Variants in NCOA2 observed in about 807,000 individuals in gnomAD.
NCOA2 encodes the protein class E basic helix-loop-helix protein 75.
NCOA2 carries 21 observed loss-of-function variants against 145.1 expected under a neutral mutation model. The observed-to-expected ratio is 0.14, with a 90% CI of 0.10 to 0.21. The LOEUF (loss-of-function observed/expected upper bound fraction) is 0.21. Ranked by LOEUF, NCOA2 falls within the 10% of genes least tolerant of loss-of-function variation. The pLI, the probability that NCOA2 is intolerant of heterozygous loss-of-function variation, is 1.00. For missense variants in NCOA2, 1,472 were observed against 1,837.6 expected, an observed-to-expected ratio of 0.80 and a Z score of 3.64; for synonymous variants, 619 against 637.5, an observed-to-expected ratio of 0.97 and a Z score of 0.44.
intron 1 of NCOA2, among the ~76,000 whole-genome samples, chr8:70,323,618 G>A (rs1281059798): frequency 6.6e-6 from 1 of 151,974 alleles, no homozygotes; most frequent in East Asian, 1.9e-4. Context: ...TATTGAAGGG[G>A]GGGAGATTAT....
At chr8:70,193,973 A>G (rs1022763290) in intron 4 of NCOA2, among the ~76,000 whole-genome samples, 6 of 152,202 alleles carry the variant, frequency 3.9e-5, no homozygotes, top group African/African-American at 1.4e-4. Flanking sequence ...TCTTCCTCAG[A>G]CAAAATTTCT....
chr8:70,291,347 T>A (rs1426565424), intron 2 of NCOA2, among the ~76,000 whole-genome samples: 3 of 152,214 alleles, frequency 2.0e-5, no homozygotes, highest in Non-Finnish European at 4.4e-5. Context: ...AGATATGGAC[T>A]GGTAATACTT....
At chr8:70,321,401 C>G (rs933014329) in intron 1 of NCOA2, among the ~76,000 whole-genome samples, 2 of 151,896 alleles carry the variant, frequency 1.3e-5, no homozygotes, top group Non-Finnish European at 2.9e-5. Flanking sequence ...CTCCAGCACT[C>G]CACCTGCCTC....
Position 70,134,016 on chromosome 8 carries a change from C to A in NCOA2, c.3159-2014G>T, listed in dbSNP as rs1024444097. On this transcript the variant is annotated intron_variant, in intron 15 of 22. Transcript: ENST00000452400. ...CATTTCTAAGGGACCCACCCAGACCCCTGAGAGGCAGGTGCTCTTCCCACT... is the reference window on the plus strand; with the variant it reads ...CATTTCTAAGGGACCCACCCAGACCACTGAGAGGCAGGTGCTCTTCCCACT... 6.6e-5 allele frequency among the ~76,000 whole-genome samples: 10 copies of A among 152,326 alleles called. No individual in the cohort carries two copies. In the East Asian group the frequency reaches 1.9e-3, roughly 29 times the overall value.
chr8:70,159,545 T>C lies in NCOA2; in HGVS notation c.1084A>G (p.Asn362Asp). 8 of 1,611,432 alleles carry C rather than the reference T, an allele frequency of 5.0e-6. No individual in the cohort carries two copies. The highest frequency in any genetic ancestry group is 6.8e-6 in the Non-Finnish European group (8 of 1,177,786). The change falls in exon 10 of 23, where the codon AAT (asparagine) becomes GAT (aspartate). Residue 362 changes from asparagine (N) to aspartate (D), a missense_variant. This residue lies in a region of NCOA2 where 284 missense variants were observed against 467.8 expected (regional missense o/e 0.61). Transcript: ENST00000452400. Reference protein sequence around the residue: ...KSKLIRSQTTNEPQLVISLHM... With the variant: ...KSKLIRSQTTDEPQLVISLHM... The stretch of plus-strand genomic sequence containing the variant: ...AAAGATATTACAAGTTGAGGTTCAT[T>C]AGTAGTCTGAGAACGGATGAGTTTG...
chr8:70,393,654 C>T (rs1446720433), intron 1 of NCOA2, among the ~76,000 whole-genome samples: 1 of 152,136 alleles, frequency 6.6e-6, no homozygotes, highest in East Asian at 1.9e-4. Flanking sequence ...TAGGGCCAGG[C>T]CAGGTGTGCC....
chr8:70,348,835 A>G (rs1808910167), intron 1 of NCOA2, among the ~76,000 whole-genome samples: 1 of 152,142 alleles, frequency 6.6e-6, no homozygotes, highest in South Asian at 2.1e-4. Context: ...ATACCCAGGG[A>G]GAAATGTCAA....
At chr8:70,222,513 T>C (rs1213455954) in intron 2 of NCOA2, among the ~76,000 whole-genome samples, 2 of 152,208 alleles carry the variant, frequency 1.3e-5, no homozygotes, top group African/African-American at 2.4e-5. Context: ...TAGATTACTT[T>C]TGTATAATGG....
intron 1 of NCOA2, among the ~76,000 whole-genome samples, chr8:70,364,525 T>C (rs1322682945): frequency 6.6e-6 from 1 of 152,156 alleles, no homozygotes; most frequent in Non-Finnish European, 1.5e-5. Flanking sequence ...TGATGCGTAA[T>C]GAAGTCTATT....
At chr8:70,133,363 T>A (rs1427957418) in intron 15 of NCOA2, among the ~76,000 whole-genome samples, 1 of 151,966 alleles carries the variant, frequency 6.6e-6, no homozygotes, top group Non-Finnish European at 1.5e-5. Context: ...GACTACAGAT[T>A]TGATGTGTAC....
At position 70,159,244 on chromosome 8, in the gene NCOA2, T is replaced by TATATGTATATATA; in HGVS notation, c.1124+260_1124+261insTATATATACATAT. Among the ~76,000 whole-genome samples, 103 of 69,276 alleles carry TATATGTATATATA rather than the reference T, an allele frequency of 1.5e-3. 12 individuals carry two copies. Among genetic ancestry groups the TATATGTATATATA allele is most frequent in the Admixed American group, 5.9e-3 (32 of 5,462 alleles). 45.4% of individuals were successfully genotyped at this position (69,276 alleles called of 152,430 possible). ...ACATTATATATATATATATATATATTTTTTTTTTTTTCCCCCAAATATTTT... is the reference window on the plus strand; with the variant it reads ...ACATTATATATATATATATATATATTATATGTATATATATTTTTTTTTTTCCCCCAAATATTTT... On this transcript the variant is annotated intron_variant, in intron 10 of 22. Coordinates refer to ENST00000452400, the MANE Select transcript of NCOA2 (RefSeq NM_006540.4).
chr8:70,315,968 T>A (rs1185167363), intron 1 of NCOA2, among the ~76,000 whole-genome samples: 1 of 152,192 alleles, frequency 6.6e-6, no homozygotes, highest in Non-Finnish European at 1.5e-5. Context: ...AGGCAGGAAT[T>A]AATAGATGAC....
At chr8:70,165,280 A>T (rs1698589088) in intron 7 of NCOA2, among the ~76,000 whole-genome samples, 1 of 152,222 alleles carries the variant, frequency 6.6e-6, no homozygotes, top group Non-Finnish European at 1.5e-5. Flanking sequence ...AATAAAATTT[A>T]AATTTTAAAA....
intron 22 of NCOA2, 57 bp downstream of exon 22, chr8:70,121,245 T>C (rs1807770119): frequency 7.0e-7 from 1 of 1,436,156 alleles, no homozygotes; most frequent in South Asian, 1.2e-5. Flanking sequence ...TTTTGGTCTA[T>C]CAAATATTCA....
the NCOA2 span, among the ~76,000 whole-genome samples, chr8:70,423,878 A>G: frequency 1.1e-4 from 16 of 152,210 alleles, no homozygotes; most frequent in South Asian, 4.1e-4. Flanking sequence ...AGGGTCCCCG[A>G]CACTCTCCGC....
In NCOA2 at chr8:70,245,656, G is replaced by T. The variant is rs561346343; in HGVS notation, c.-19-28892C>A. Among the ~76,000 whole-genome samples the T allele has an allele frequency of 1.6e-4, 24 of 152,040 alleles. No homozygotes were observed. The South Asian group carries it at 2.9e-3, about 18-fold the overall frequency. The stretch of plus-strand genomic sequence containing the variant: ...GTCTAAAATTATTTAGTCTTGGAAT[G>T]TTCATAATAAATAAAAAATATATAC... On this transcript the variant is annotated intron_variant, in intron 2 of 22. Transcript: ENST00000452400.
At chr8:70,247,259 C>T (rs1225166227) in intron 2 of NCOA2, among the ~76,000 whole-genome samples, 1 of 151,824 alleles carries the variant, frequency 6.6e-6, no homozygotes, top group Admixed American at 6.6e-5. Flanking sequence ...CAAAGAAATT[C>T]AATTAGGAAA....
chr8:70,286,210 C>T (rs1826220042), intron 2 of NCOA2, among the ~76,000 whole-genome samples: 1 of 151,900 alleles, frequency 6.6e-6, no homozygotes, highest in Non-Finnish European at 1.5e-5. Flanking sequence ...CCCAGGAGTT[C>T]AAGATCAGCC....
intron 3 of NCOA2, among the ~76,000 whole-genome samples, chr8:70,216,206 A>C (rs955319620): frequency 6.6e-6 from 1 of 152,246 alleles, no homozygotes; most frequent in African/African-American, 2.4e-5. Flanking sequence ...CCCATAATAT[A>C]TGAGATGAAA....
Sources: allele counts gnomAD v4.1 joint callset (sites outside exome capture counted in the v4.1 genomes callset), GRCh38; gene constraint gnomAD v4.1.1; regional missense constraint gnomAD v4.1.1; transcripts MANE v1.5; gene names NCBI Gene and HGNC (gene_info 2026-07-23, HGNC 2026-07-21).